SLC12A2: variants seen among roughly 807,000 people sequenced by gnomAD.
The protein encoded by SLC12A2 is Na-K-2Cl cotransporter 1.
In SLC12A2, 67 loss-of-function variants were observed where a neutral mutation model predicts 136.3. The observed-to-expected ratio is 0.49, with a 90% CI of 0.40 to 0.60. The LOEUF (loss-of-function observed/expected upper bound fraction) is 0.60. Among genes scored for constraint, SLC12A2 ranks in the 20% least tolerant of loss-of-function variants. The probability of loss-of-function intolerance (pLI) is 0.00; values close to 1 mark genes in which losing one functional copy is unlikely to be tolerated. For missense variants in SLC12A2, 1,322 were observed against 1,534.7 expected (o/e 0.86, Z 2.32); for synonymous variants, 619 against 562.9 (o/e 1.10, Z -1.41).
At chr5:128,169,300 G>A (rs548155572) in intron 18 of SLC12A2, 1 of 152,080 alleles carries the variant, frequency 6.6e-6, no homozygotes, top group Admixed American at 6.6e-5. Flanking sequence ...CATGAATTTT[G>A]ATCTGATCAC....
intron 14 of SLC12A2, 27 bp downstream of exon 14, chr5:128,151,423 C>CAAGCTAGAAAACATCTAG (rs780618948): frequency 4.4e-6 from 7 of 1,588,158 alleles, no homozygotes; most frequent in Non-Finnish European, 6.0e-6. Context: ...GTTTATATCC[C>CAAGCTAGAAAACATCTAG]AAGCTAGAAA....
intron 4 of SLC12A2, among the ~76,000 whole-genome samples, chr5:128,126,561 T>C (rs988585927): frequency 6.6e-6 from 1 of 152,198 alleles, no homozygotes; most frequent in African/African-American, 2.4e-5. Flanking sequence ...ATTGGAGAGA[T>C]AGCTGCACTC....
chr5:128,162,991 C>T (rs1386259279), intron 17 of SLC12A2, among the ~76,000 whole-genome samples: 3 of 151,758 alleles, frequency 2.0e-5, no homozygotes, highest in Non-Finnish European at 4.4e-5. Flanking sequence ...TTAGTGTATT[C>T]TGTGTGTGGC....
rs947174350 is a variant in SLC12A2 at position 128,083,890 on chromosome 5, G to T, written c.-65G>T. On this transcript the variant is annotated 5_prime_UTR_variant, in exon 1 of 27. Transcript: ENST00000262461. ...CGGCTGTGGCCACCGCCGGCCAGGG[G>T]TGTGGAGGGCGTGCTGCCGGAGACG... is the stretch of plus-strand genomic sequence containing the variant. 4.3e-6 allele frequency: 5 copies of T among 1,154,986 alleles called. No individual in the cohort carries two copies. The Admixed American group carries it at 1.3e-4, about 30-fold the overall frequency. The allele number at this position is 1,154,986 out of a possible 1,614,324, so 71.5% of individuals were successfully genotyped here. A position where few individuals can be genotyped will look rare whatever the true frequency, so the allele number is the denominator to read the frequency against.
At chr5:128,133,561 T>G (rs1184432849) in intron 5 of SLC12A2, among the ~76,000 whole-genome samples, 1 of 152,092 alleles carries the variant, frequency 6.6e-6, no homozygotes, top group Non-Finnish European at 1.5e-5. Context: ...ATGTTTTAGT[T>G]TTTTTGTGCC....
At chr5:128,116,170 T>C (rs1402989349) in intron 4 of SLC12A2, among the ~76,000 whole-genome samples, 1 of 152,132 alleles carries the variant, frequency 6.6e-6, no homozygotes, top group Admixed American at 6.5e-5. Context: ...CAGCAAATCA[T>C]CAAAGAATTT....
chr5:128,167,262 T>C (rs1038634730), intron 17 of SLC12A2, among the ~76,000 whole-genome samples: 1 of 152,046 alleles, frequency 6.6e-6, no homozygotes. Flanking sequence ...CAAGAAAAAT[T>C]GATGGAATAA....
At chr5:128,102,389 A>G (rs1760769208) in intron 1 of SLC12A2, among the ~76,000 whole-genome samples, 1 of 151,844 alleles carries the variant, frequency 6.6e-6, no homozygotes, top group Non-Finnish European at 1.5e-5. Context: ...ACTTATGGTG[A>G]TCACTTCTTT....
intron 25 of SLC12A2, 23 bp downstream of exon 25, chr5:128,184,524 C>T: frequency 6.4e-7 from 1 of 1,554,292 alleles, no homozygotes; most frequent in Non-Finnish European, 8.7e-7. Flanking sequence ...GCTTCCTTTT[C>T]ATTAATCTTT....
intron 1 of SLC12A2, among the ~76,000 whole-genome samples, chr5:128,086,789 G>T (rs1218551103): frequency 6.6e-6 from 1 of 152,216 alleles, no homozygotes; most frequent in Non-Finnish European, 1.5e-5. Flanking sequence ...ACTGTCGAAA[G>T]AGGGGCAGAC....
intron 1 of SLC12A2, among the ~76,000 whole-genome samples, chr5:128,097,102 G>A (rs1760571081): frequency 6.6e-6 from 1 of 152,086 alleles, no homozygotes; most frequent in African/African-American, 2.4e-5. Flanking sequence ...TAGATTTTAA[G>A]AGTCTGAGGA....
Position 128,178,597 on chromosome 5 carries a change from T to C in SLC12A2, c.3008T>C (p.Val1003Ala). The C allele has an allele frequency of 6.3e-7, 1 of 1,599,934 alleles. No individual in the cohort carries two copies. The highest frequency in any genetic ancestry group is 8.5e-7 in the Non-Finnish European group (1 of 1,173,754). The change falls in exon 22 of 27, where the codon GTA becomes GCA. Residue 1003 changes from valine to alanine, a missense_variant. Coordinates refer to ENST00000262461, the MANE Select transcript of SLC12A2 (RefSeq NM_001046.3). Reference protein sequence around the residue: ...ESKGPIVPLNVADQKLLEAST... With the variant: ...ESKGPIVPLNAADQKLLEAST... ...AAAGGCCCTATTGTGCCTTTAAATGTAGCTGACCAAAAGCTTCTTGAAGCT... is the reference window on the plus strand; with the variant it reads ...AAAGGCCCTATTGTGCCTTTAAATGCAGCTGACCAAAAGCTTCTTGAAGCT...
Position 128,093,921 on chromosome 5 carries a change from C to T in SLC12A2, c.756+9211C>T, listed in dbSNP as rs1451265521. On this transcript the variant is annotated intron_variant, in intron 1 of 26. Transcript: ENST00000262461. The stretch of plus-strand genomic sequence containing the variant: ...GGTTTGCCTCTTCTTCAGTGTTTCA[C>T]TTACTCAGTGGCACAATAATTCTTT... 2.6e-5 allele frequency among the ~76,000 whole-genome samples: 4 copies of T among 152,096 alleles called. No individual in the cohort carries two copies. The East Asian group carries it at 5.8e-4, about 22-fold the overall frequency.
At chr5:128,126,967 T>TATATAA (rs1491322749) in intron 4 of SLC12A2, among the ~76,000 whole-genome samples, 27 of 29,626 alleles carry the variant, frequency 9.1e-4, no homozygotes, top group East Asian at 5.8e-3. Flanking sequence ...TATATATATA[T>TATATAA]TTTTTTTTTT....
At chr5:128,156,542 C>A (rs549508909) in intron 15 of SLC12A2, among the ~76,000 whole-genome samples, 2 of 152,242 alleles carry the variant, frequency 1.3e-5, no homozygotes, top group East Asian at 3.9e-4. Flanking sequence ...AAGATAGGGG[C>A]TACAAGTTAA....
chr5:128,092,083 A>G (rs1760345913), intron 1 of SLC12A2, among the ~76,000 whole-genome samples: 1 of 151,948 alleles, frequency 6.6e-6, no homozygotes, highest in Admixed American at 6.6e-5. Flanking sequence ...GACTTAGAGG[A>G]CCCTAATCAT....
chr5:128,104,648 A>AAT (rs1554103101), intron 1 of SLC12A2, among the ~76,000 whole-genome samples: 113 of 141,552 alleles, frequency 8.0e-4, no homozygotes, highest in South Asian at 3.2e-3. Context: ...AAGAAAAAAA[A>AAT]ATATATATAT....
chr5:128,092,243 G>A (rs1581049285), intron 1 of SLC12A2, among the ~76,000 whole-genome samples: 3 of 152,170 alleles, frequency 2.0e-5, no homozygotes, highest in Non-Finnish European at 4.4e-5. Context: ...ACCTCTCATT[G>A]TATCAGTCAC....
chr5:128,124,079 C>G (rs1761687742), intron 4 of SLC12A2, among the ~76,000 whole-genome samples: 1 of 152,176 alleles, frequency 6.6e-6, no homozygotes, highest in African/African-American at 2.4e-5. Flanking sequence ...TTAATTGACC[C>G]TACAGTGTGA....
Sources: allele counts gnomAD v4.1 joint callset (sites outside exome capture counted in the v4.1 genomes callset), GRCh38; gene constraint gnomAD v4.1.1; transcripts MANE v1.5; gene names NCBI Gene and HGNC (gene_info 2026-07-23, HGNC 2026-07-21).